TATDN1: variants seen among roughly 807,000 people sequenced by gnomAD.
The protein encoded by TATDN1 is deoxyribonuclease TATDN1.
TATDN1 carries 40 observed loss-of-function variants against 46.4 expected under a neutral mutation model. The ratio of observed to expected loss-of-function variants is 0.86; its 90% confidence interval spans 0.67 to 1.12. The LOEUF (loss-of-function observed/expected upper bound fraction) is 1.12, where lower values mean the gene tolerates loss of function less well. Ranked by LOEUF, TATDN1 falls within the 50% of genes most tolerant of loss-of-function variation. TATDN1 has a pLI of 0.00. For missense variants in TATDN1, 326 were observed against 348.4 expected, an observed-to-expected ratio of 0.94 and a Z score of 0.51; for synonymous variants, 95 against 105.6, an observed-to-expected ratio of 0.90 and a Z score of 0.62.
In TATDN1 at chr8:124,493,901, T is replaced by C; in HGVS notation, c.723A>G (p.Ala241=). 1.2e-6 allele frequency: 2 copies of C among 1,612,740 alleles called. No homozygotes were observed. The highest frequency in any genetic ancestry group is 1.7e-6 in the Non-Finnish European group (2 of 1,179,914). The change falls in exon 11 of 12, where the codon GCA becomes GCG. Residue 241 remains alanine (A), a synonymous_variant. Transcript: ENST00000276692. ...THAGSKYIRT[A]FPTKKKWESG... ...TTTCCCACTTCTTTTTGGTAGGAAA[T>C]GCAGTTCTTATATATTTTGATCCAG...
intron 1 of TATDN1, chr8:124,523,217 G>A (rs1354932985): frequency 7.5e-6 from 4 of 533,850 alleles, no homozygotes; most frequent in African/African-American, 3.8e-5. Context: ...CGCAGAACTG[G>A]TAAGGCAGAT....
intron 4 of TATDN1, among the ~76,000 whole-genome samples, chr8:124,518,211 CAAAAAAAAAAA>C (rs374487274): frequency 1.4e-4 from 5 of 34,590 alleles, no homozygotes; most frequent in African/African-American, 2.2e-4. Flanking sequence ...GACTCTATCT[CAAAAAAAAAAA>C]AAAAAAAAAA....
intron 3 of TATDN1, 63 bp from the exon 4 acceptor site, chr8:124,518,944 C>T (rs911367266): frequency 9.4e-7 from 1 of 1,068,666 alleles, no homozygotes; most frequent in South Asian, 1.3e-5. Flanking sequence ...GTTTCCTAAA[C>T]ATGCCTTCCT....
chr8:124,535,420 T>G (rs981049616), intron 1 of TATDN1, among the ~76,000 whole-genome samples: 3 of 152,308 alleles, frequency 2.0e-5, no homozygotes, highest in South Asian at 4.1e-4. Context: ...ATTCAAAAAT[T>G]TAAGGAACAA....
intron 1 of TATDN1, among the ~76,000 whole-genome samples, chr8:124,531,618 G>C (rs1820966033): frequency 6.6e-6 from 1 of 152,194 alleles, no homozygotes; most frequent in African/African-American, 2.4e-5. Flanking sequence ...ACCTCAATGA[G>C]AATACATCGT....
At chr8:124,524,377 A>G (rs1338362777) in intron 1 of TATDN1, among the ~76,000 whole-genome samples, 1 of 152,242 alleles carries the variant, frequency 6.6e-6, no homozygotes, top group Non-Finnish European at 1.5e-5. Flanking sequence ...CATACAATAT[A>G]GAAGTTTGGT....
chr8:124,500,140 G>A (rs543455379), intron 9 of TATDN1, among the ~76,000 whole-genome samples: 121 of 152,174 alleles, frequency 8.0e-4, no homozygotes, highest in African/African-American at 2.8e-3. Flanking sequence ...ACAATGCCTG[G>A]CCATCTTCCC....
chr8:124,497,279 TTTC>T (rs200877541), intron 9 of TATDN1, among the ~76,000 whole-genome samples: 29,252 of 148,426 alleles, frequency 0.2, 3,428 homozygotes, highest in Non-Finnish European at 0.28. Flanking sequence ...TATTTCCTTC[TTTC>T]TTCTTCTTTT....
At chr8:124,528,997 C>G (rs1206554348) in intron 1 of TATDN1, among the ~76,000 whole-genome samples, 1 of 152,180 alleles carries the variant, frequency 6.6e-6, no homozygotes, top group African/African-American at 2.4e-5. Context: ...GGGATAAGCC[C>G]GTGCCTAGGC....
At chr8:124,532,104 G>A (rs183515384) in intron 1 of TATDN1, among the ~76,000 whole-genome samples, 3 of 152,192 alleles carry the variant, frequency 2.0e-5, no homozygotes, top group Non-Finnish European at 2.9e-5. Context: ...AGGAGGAGGA[G>A]GAGGAGTGGG....
intron 4 of TATDN1, among the ~76,000 whole-genome samples, chr8:124,517,830 C>T (rs1375613561): frequency 6.6e-6 from 1 of 152,124 alleles, no homozygotes; most frequent in East Asian, 1.9e-4. Context: ...ATAAAATGGC[C>T]CTTCACAGCT....
At chr8:124,493,309 C>A (rs1455595512) in intron 11 of TATDN1, among the ~76,000 whole-genome samples, 1 of 152,080 alleles carries the variant, frequency 6.6e-6, no homozygotes, top group Non-Finnish European at 1.5e-5. Context: ...GATTATGTAC[C>A]CATTAAAATG....
At chr8:124,511,230 C>T (rs1818977678) in intron 6 of TATDN1, among the ~76,000 whole-genome samples, 1 of 152,112 alleles carries the variant, frequency 6.6e-6, no homozygotes, top group South Asian at 2.1e-4. Flanking sequence ...AACTATCTAA[C>T]GACAAGAGCT....
chr8:124,527,617 T>G (rs550480743), intron 1 of TATDN1, among the ~76,000 whole-genome samples: 6 of 152,070 alleles, frequency 3.9e-5, no homozygotes, highest in African/African-American at 1.4e-4. Flanking sequence ...CTTTCAGAGT[T>G]TTTCTGGGGT....
At chr8:124,534,078 G>A (rs529630210) in intron 1 of TATDN1, among the ~76,000 whole-genome samples, 55 of 146,822 alleles carry the variant, frequency 3.7e-4, no homozygotes, top group African/African-American at 1.3e-3. Flanking sequence ...CCTGGGAGGC[G>A]GAGCTTGCAG....
intron 8 of TATDN1, among the ~76,000 whole-genome samples, chr8:124,504,992 T>C (rs1586593393): frequency 1.3e-5 from 2 of 149,548 alleles, no homozygotes; most frequent in Non-Finnish European, 1.5e-5. Context: ...CGACCTCAGG[T>C]GATTCGCCCG....
At chr8:124,488,792 A>G (rs6997089) in intron 11 of TATDN1, 96 bp from the exon 12 acceptor site, 62,824 of 744,564 alleles carry the variant, frequency 0.084, 3,136 homozygotes, top group East Asian at 0.18. Flanking sequence ...AAATATTGGC[A>G]CACCTTTAAT....
At chr8:124,513,952 C>T (rs925250571) in intron 6 of TATDN1, among the ~76,000 whole-genome samples, 11 of 152,114 alleles carry the variant, frequency 7.2e-5, no homozygotes, top group South Asian at 2.1e-4. Context: ...ACATAATATT[C>T]GACAGAGGTA....
intron 11 of TATDN1, 31 bp from the exon 12 acceptor site, chr8:124,488,727 ATC>A (rs1816628798): frequency 1.6e-6 from 2 of 1,234,250 alleles, no homozygotes; most frequent in African/African-American, 1.5e-5. Flanking sequence ...AAATGGTTAA[ATC>A]TCCAAGTATA....
Sources: allele counts gnomAD v4.1 joint callset (sites outside exome capture counted in the v4.1 genomes callset), GRCh38; gene constraint gnomAD v4.1.1; transcripts MANE v1.5; gene names NCBI Gene and HGNC (gene_info 2026-07-23, HGNC 2026-07-21).